The following METTL25 variants were observed in gnomAD, a reference collection of about 807,000 sequenced individuals.
The protein encoded by METTL25 is probable methyltransferase-like protein 25.
METTL25 carries 64 observed loss-of-function variants against 71.6 expected under a neutral mutation model. The ratio of observed to expected loss-of-function variants is 0.89; its 90% confidence interval spans 0.73 to 1.10. The LOEUF is 1.10. Ranked by LOEUF, METTL25 falls within the 50% of genes least tolerant of loss-of-function variation. The probability of loss-of-function intolerance (pLI) is 0.00; values close to 1 mark genes in which losing one functional copy is unlikely to be tolerated. For missense variants in METTL25, 807 were observed against 707.0 expected (o/e 1.14, Z -1.60); for synonymous variants, 287 against 250.3 (o/e 1.15, Z -1.38).
At chr12:82,453,282 T>G (rs1891274173) in intron 8 of METTL25, among the ~76,000 whole-genome samples, 2 of 152,182 alleles carry the variant, frequency 1.3e-5, no homozygotes, top group African/African-American at 4.8e-5. Context: ...AGCTTTTCTG[T>G]AAGAATATGT....
At chr12:82,469,797 C>T (rs1477875786) in intron 9 of METTL25, among the ~76,000 whole-genome samples, 1 of 152,076 alleles carries the variant, frequency 6.6e-6, no homozygotes, top group African/African-American at 2.4e-5. Context: ...TGACCAGATA[C>T]TACCATCTGG....
chr12:82,376,073 G>A (rs191368678), intron 1 of METTL25, among the ~76,000 whole-genome samples: 366 of 152,280 alleles, frequency 2.4e-3, no homozygotes, highest in Middle Eastern at 6.8e-3. Flanking sequence ...TTTAATGTAG[G>A]AATTATACTT....
chr12:82,460,116 C>G (rs144646620), intron 9 of METTL25, among the ~76,000 whole-genome samples: 14 of 152,342 alleles, frequency 9.2e-5, no homozygotes, highest in Non-Finnish European at 1.9e-4. Context: ...CTTCTTATCA[C>G]ATATGATGTG....
At chr12:82,390,273 A>G (rs905040053) in intron 3 of METTL25, among the ~76,000 whole-genome samples, 1 of 152,048 alleles carries the variant, frequency 6.6e-6, no homozygotes, top group Non-Finnish European at 1.5e-5. Context: ...GTTTGCTGCT[A>G]GATGTTTTCA....
intron 1 of METTL25, among the ~76,000 whole-genome samples, chr12:82,373,806 G>A (rs903267141): frequency 6.6e-6 from 1 of 152,206 alleles, no homozygotes; most frequent in Non-Finnish European, 1.5e-5. Context: ...AGAGCCAGGG[G>A]TTGTTAGAGA....
intron 5 of METTL25, among the ~76,000 whole-genome samples, chr12:82,405,174 G>C (rs1006175849): frequency 3.9e-5 from 6 of 152,088 alleles, no homozygotes; most frequent in Non-Finnish European, 8.8e-5. Flanking sequence ...GGTAGTCTCA[G>C]TATTTTCCCA....
At position 82,417,424 on chromosome 12, in the gene METTL25, T is replaced by A. The variant is rs561819284; in HGVS notation, c.1280-13469T>A. On this transcript the variant is annotated intron_variant, in intron 5 of 11. Transcript: ENST00000248306. Reference sequence around the variant, plus strand: ...TAATAAATATATTCACATTATAAAATGAGTTCTGAAAGTATGCAAGCATAT... The same window carrying A: ...TAATAAATATATTCACATTATAAAAAGAGTTCTGAAAGTATGCAAGCATAT... Among the ~76,000 whole-genome samples the A allele has an allele frequency of 4.6e-5, 7 of 152,280 alleles. No homozygotes were observed. The South Asian group carries it at 6.2e-4, about 14-fold the overall frequency.
intron 8 of METTL25, among the ~76,000 whole-genome samples, chr12:82,449,164 T>C (rs1388944812): frequency 3.9e-5 from 6 of 152,210 alleles, no homozygotes; most frequent in Non-Finnish European, 8.8e-5. Flanking sequence ...GATTCCTTTT[T>C]AGCATGCTGA....
intron 1 of METTL25, among the ~76,000 whole-genome samples, chr12:82,380,171 T>G (rs952150293): frequency 3.9e-5 from 6 of 152,198 alleles, no homozygotes; most frequent in Non-Finnish European, 8.8e-5. Flanking sequence ...CCTCTATGTT[T>G]CCATGTGTTC....
chr12:82,372,031 C>T (rs1349253718), intron 1 of METTL25, among the ~76,000 whole-genome samples: 1 of 152,174 alleles, frequency 6.6e-6, no homozygotes, highest in East Asian at 1.9e-4. Context: ...ATTTACTTGA[C>T]TAAGATACAA....
intron 1 of METTL25, among the ~76,000 whole-genome samples, chr12:82,363,145 T>C (rs183358813): frequency 5.3e-5 from 8 of 152,108 alleles, no homozygotes; most frequent in Admixed American, 3.9e-4. Context: ...AAGATCTGAG[T>C]ATAAACGCTG....
intron 5 of METTL25, among the ~76,000 whole-genome samples, chr12:82,416,626 GTTT>G (rs2137080081): frequency 6.6e-6 from 1 of 151,278 alleles, no homozygotes; most frequent in East Asian, 2.0e-4. Flanking sequence ...TTTTTGTTTT[GTTT>G]TGTTTTGTTT....
At chr12:82,428,212 C>T (rs1889196121) in intron 5 of METTL25, among the ~76,000 whole-genome samples, 1 of 151,828 alleles carries the variant, frequency 6.6e-6, no homozygotes, top group African/African-American at 2.4e-5. Context: ...CTGGCCACAA[C>T]CTACTCATGT....
chr12:82,385,717 C>T, intron 1 of METTL25, among the ~76,000 whole-genome samples: 1 of 152,120 alleles, frequency 6.6e-6, no homozygotes. Context: ...CAGTAATAAA[C>T]TTAAAACTCA....
chr12:82,367,773 C>T (rs1013068690), intron 1 of METTL25, among the ~76,000 whole-genome samples: 2 of 152,110 alleles, frequency 1.3e-5, no homozygotes, highest in South Asian at 2.1e-4. Context: ...AAGTTCTTCA[C>T]CTTTGGCCTT....
chr12:82,438,399 G>T, intron 7 of METTL25: 1 of 189,766 alleles, frequency 5.3e-6, no homozygotes, highest in East Asian at 1.1e-4. Context: ...TGACTTGGTT[G>T]GTCTTGAAAG....
chr12:82,369,473 T>G (rs1882958401), intron 1 of METTL25: 2 of 448,988 alleles, frequency 4.5e-6, no homozygotes, highest in Non-Finnish European at 4.5e-6. Flanking sequence ...GTGTCCGGAG[T>G]TTCTTCCTTC....
rs1385100620 is a variant in METTL25 at position 82,398,962 on chromosome 12, A to G, written c.699A>G (p.Leu233=). ...HWKLCHAQSR[L]DVNGLALKMA... is the part of the protein sequence containing the mutation. ...AACTCTGTCATGCTCAGTCAAGATTAGATGTCAATGGACTAGCATTAAAAA... is the reference window on the plus strand; with the variant it reads ...AACTCTGTCATGCTCAGTCAAGATTGGATGTCAATGGACTAGCATTAAAAA... Residue 233 remains leucine, a synonymous_variant, in exon 4 of 12, where the codon TTA becomes TTG. Coordinates refer to ENST00000248306, the MANE Select transcript of METTL25 (RefSeq NM_032230.3). 1.9e-6 allele frequency: 3 copies of G among 1,610,924 alleles called. No individual in the cohort carries two copies. The highest frequency in any genetic ancestry group is 1.3e-5 in the African/African-American group (1 of 74,866).
intron 1 of METTL25, among the ~76,000 whole-genome samples, chr12:82,386,354 T>C (rs1000345777): frequency 5.3e-5 from 8 of 152,246 alleles, no homozygotes; most frequent in Admixed American, 1.3e-4. Context: ...TGCACAGTTA[T>C]AGGCCAGCCA....
Sources: allele counts gnomAD v4.1 joint callset (sites outside exome capture counted in the v4.1 genomes callset), GRCh38; gene constraint gnomAD v4.1.1; transcripts MANE v1.5; gene names NCBI Gene and HGNC (gene_info 2026-07-23, HGNC 2026-07-21).